SCYL2: variants seen among roughly 807,000 people sequenced by gnomAD.
SCYL2 encodes SCY1-like protein 2.
In SCYL2, 36 loss-of-function variants were observed where a neutral mutation model predicts 100.4. The ratio of observed to expected loss-of-function variants is 0.36; its 90% CI spans 0.27 to 0.47. The LOEUF (loss-of-function observed/expected upper bound fraction) is 0.47, where lower values mean the gene tolerates loss of function less well. Ranked by LOEUF, SCYL2 falls within the 20% of genes least tolerant of loss-of-function variation. SCYL2 has a pLI of 1.00. For synonymous variants in SCYL2, 330 were observed against 359.2 expected, an observed-to-expected ratio of 0.92 and a Z score of 0.92; for missense variants, 902 against 1,083.9, an observed-to-expected ratio of 0.83 and a Z score of 2.36.
intron 16 of SCYL2, 123 bp from the exon 17 acceptor site, chr12:100,337,264 A>G (rs1201980014): frequency 1.7e-5 from 21 of 1,207,292 alleles, no homozygotes; most frequent in Non-Finnish European, 2.1e-5. Context: ...ACAATCACCA[A>G]GACAAGAGTA....
At chr12:100,315,469 G>T in intron 8 of SCYL2, 89 bp from the exon 9 acceptor site, 1 of 1,051,930 alleles carries the variant, frequency 9.5e-7, no homozygotes, top group East Asian at 2.6e-5. Flanking sequence ...TACCTAAAGG[G>T]ATTAGAGGTT....
intron 3 of SCYL2, among the ~76,000 whole-genome samples, chr12:100,294,356 AGACGG>A (rs2096314806): frequency 7.5e-5 from 3 of 39,992 alleles, no homozygotes; most frequent in Admixed American, 2.3e-4. Flanking sequence ...CTCACCTCCC[AGACGG>A]GGCGGCTGGC....
At chr12:100,286,489 G>C (rs896438780) in intron 2 of SCYL2, among the ~76,000 whole-genome samples, 1 of 151,818 alleles carries the variant, frequency 6.6e-6, no homozygotes, top group African/African-American at 2.4e-5. Flanking sequence ...AAGAAAATAG[G>C]GTAGGTTTGT....
At chr12:100,288,447 C>T (rs770520045) in intron 2 of SCYL2, among the ~76,000 whole-genome samples, 1 of 152,122 alleles carries the variant, frequency 6.6e-6, no homozygotes, top group Non-Finnish European at 1.5e-5. Flanking sequence ...CATGTCCAGC[C>T]AGTGTTTTCT....
At chr12:100,316,953 A>G (rs2096349538) in intron 9 of SCYL2, among the ~76,000 whole-genome samples, 1 of 152,122 alleles carries the variant, frequency 6.6e-6, no homozygotes. Flanking sequence ...AAATACAAAA[A>G]TAAGCCAGGT....
At chr12:100,294,945 G>C (rs1415750990) in intron 3 of SCYL2, among the ~76,000 whole-genome samples, 2 of 151,406 alleles carry the variant, frequency 1.3e-5, no homozygotes, top group African/African-American at 4.9e-5. Flanking sequence ...CTCAGACGGG[G>C]CGGTTGCCAG....
chr12:100,334,552 G>C (rs1674779105), intron 14 of SCYL2, among the ~76,000 whole-genome samples: 1 of 151,960 alleles, frequency 6.6e-6, no homozygotes, highest in Admixed American at 6.6e-5. Context: ...GTCAGCAGTA[G>C]CCACTAGCAT....
At chr12:100,271,603 G>T (rs2135788443) in intron 1 of SCYL2, among the ~76,000 whole-genome samples, 1 of 152,282 alleles carries the variant, frequency 6.6e-6, no homozygotes, top group South Asian at 2.1e-4. Flanking sequence ...TGTAGTCAGT[G>T]TCTATTATTT....
intron 1 of SCYL2, among the ~76,000 whole-genome samples, chr12:100,276,535 C>T (rs1322260774): frequency 6.6e-6 from 1 of 152,018 alleles, no homozygotes; most frequent in African/African-American, 2.4e-5. Context: ...ACAGGGTCTC[C>T]TTATGTTGCT....
At chr12:100,330,830 C>CTT (rs71088179) in intron 13 of SCYL2, among the ~76,000 whole-genome samples, 15 of 134,100 alleles carry the variant, frequency 1.1e-4, no homozygotes, top group Non-Finnish European at 1.4e-4. Flanking sequence ...AATTTTTTTT[C>CTT]TTTTTTTTTT....
chr12:100,304,881 C>T (rs1391841710), intron 4 of SCYL2, among the ~76,000 whole-genome samples: 1 of 150,814 alleles, frequency 6.6e-6, no homozygotes, highest in African/African-American at 2.4e-5. Context: ...AGCCTTTAAA[C>T]CAACAAAGAT....
In SCYL2 at chr12:100,267,346, G is replaced by T. The variant is rs796265249; in HGVS notation, c.-475G>T. ...GGAACAGCCAGGAGGCGTTTATTAGGGGGGCGGGGGGAAAGAGCCCCAGCA... is the reference window on the plus strand; with the variant it reads ...GGAACAGCCAGGAGGCGTTTATTAGTGGGGCGGGGGGAAAGAGCCCCAGCA... On this transcript the variant is annotated 5_prime_UTR_variant, in exon 1 of 18. Coordinates refer to ENST00000360820, the MANE Select transcript of SCYL2 (RefSeq NM_017988.6). 8.9e-5 allele frequency: 31 copies of T among 346,816 alleles called. No individual in the cohort carries two copies. Among genetic ancestry groups the T allele is most frequent in the African/African-American group, 6.3e-4 (30 of 47,392 alleles). The allele number at this position is 346,816 out of a possible 1,614,324, so 21.5% of individuals were successfully genotyped here.
chr12:100,298,288 T>C lies in SCYL2; in HGVS notation c.480+113T>C, dbSNP rs2096323363. ...TTTTAGGTAAACTTTTGGTTCTTGT[T>C]AGTAATTTAGTCATTATTCCTATGT... On this transcript the variant is annotated intron_variant, in intron 4 of 17. Transcript: ENST00000360820. 6.9e-6 allele frequency: 5 copies of C among 728,998 alleles called. No homozygotes were observed. In the South Asian group the frequency reaches 1.2e-4, roughly 17 times the overall value. The allele number at this position is 728,998 out of a possible 1,614,324, so 45.2% of individuals were successfully genotyped here.
intron 1 of SCYL2, among the ~76,000 whole-genome samples, chr12:100,276,978 T>G (rs1211734987): frequency 1.3e-5 from 2 of 152,154 alleles, no homozygotes; most frequent in Non-Finnish European, 2.9e-5. Flanking sequence ...AAAAATTTCT[T>G]TGTGATTTCT....
rs2096341553 is a variant in SCYL2, at chr12:100,311,048, C to T, written c.485C>T (p.Ser162Phe). 1 of 1,550,516 alleles carries T rather than the reference C, an allele frequency of 6.4e-7. No individual in the cohort carries two copies. The highest frequency in any genetic ancestry group is 1.4e-5 in the African/African-American group (1 of 71,922). ...VETKYGLLQV[S>F]EGLSFLHSSV... The stretch of plus-strand genomic sequence containing the variant: ...ATGTGTTTTTTCCATTTACAGGTTT[C>T]TGAAGGATTGTCATTCTTGCATAGC... Residue 162 changes from serine (S) to phenylalanine (F), a missense_variant, in exon 5 of 18, where the codon TCT (serine) becomes TTT (phenylalanine). Ser to Phe is a radical substitution (Grantham distance 155). Transcript: ENST00000360820.
chr12:100,295,720 C>T (rs938041602), intron 3 of SCYL2, among the ~76,000 whole-genome samples: 4 of 150,958 alleles, frequency 2.6e-5, no homozygotes, highest in South Asian at 2.1e-4. Context: ...CGTGGGGAGA[C>T]GGGAGAGGGA....
chr12:100,340,821 A>G lies in SCYL2; in HGVS notation c.*1649A>G, dbSNP rs1002081280. 3 of 152,104 alleles carry G rather than the reference A, an allele frequency of 2.0e-5. No homozygotes were observed. The highest frequency in any genetic ancestry group is 2.1e-4 in the South Asian group (1 of 4,834). The allele number at this position is 152,104 out of a possible 1,614,324, so 9.4% of individuals were successfully genotyped here. A position where few individuals can be genotyped will look rare whatever the true frequency, so the allele number is the denominator to read the frequency against. ...ATAAATGAAAAACAGTAGGAAGATC[A>G]AATGTTTTTGTCAAATATATTCACA... On this transcript the variant is annotated 3_prime_UTR_variant, in exon 18 of 18. Transcript: ENST00000360820.
chr12:100,273,726 A>G (rs1188728666), intron 1 of SCYL2, among the ~76,000 whole-genome samples: 1 of 152,152 alleles, frequency 6.6e-6, no homozygotes, highest in Non-Finnish European at 1.5e-5. Flanking sequence ...CCCTTCTGGA[A>G]TACTCCTTCC....
At chr12:100,316,972 G>A (rs546048989) in intron 9 of SCYL2, among the ~76,000 whole-genome samples, 4 of 152,158 alleles carry the variant, frequency 2.6e-5, no homozygotes, top group African/African-American at 9.6e-5. Context: ...GTGCCTGCCT[G>A]TGGTCCCAGC....
Sources: allele counts gnomAD v4.1 joint callset (sites outside exome capture counted in the v4.1 genomes callset), GRCh38; gene constraint gnomAD v4.1.1; transcripts MANE v1.5; gene names NCBI Gene and HGNC (gene_info 2026-07-23, HGNC 2026-07-21).